The following SARNP variants were observed in gnomAD, a reference collection of about 807,000 sequenced individuals.
The protein encoded by SARNP is SAP domain containing ribonucleoprotein, also known as SAP domain-containing ribonucleoprotein.
SARNP carries 5 observed loss-of-function variants against 38.1 expected under a neutral mutation model. That is an observed-to-expected ratio of 0.13 (90% CI 0.07 to 0.28). The LOEUF (loss-of-function observed/expected upper bound fraction) is 0.28. Ranked by LOEUF, SARNP falls within the 10% of genes least tolerant of loss-of-function variation. The pLI, the probability that SARNP is intolerant of heterozygous loss-of-function variation, is 1.00. For synonymous variants in SARNP, 84 were observed against 80.6 expected (o/e 1.04, Z -0.23); for missense variants, 180 against 243.9 (o/e 0.74, Z 1.75).
rs759324705 is a variant in SARNP at position 55,794,886 on chromosome 12, TA to T, written c.304-7del. On this transcript the variant is annotated splice_polypyrimidine_tract_variant and splice_region_variant and intron_variant, in intron 5 of 10. Coordinates refer to ENST00000336133, the MANE Select transcript of SARNP (RefSeq NM_033082.4). ...TCAGCCCTCTTCTGCATTCTCTAAG[TA>T]AAAATAGACAAAAGGGAGAAAAAAA... 10 of 1,479,706 alleles carry T rather than the reference TA, an allele frequency of 6.8e-6. No individual in the cohort carries two copies. The South Asian group carries it at 1.1e-4, about 16-fold the overall frequency. 91.7% of individuals were successfully genotyped at this position (1,479,706 alleles called of 1,614,324 possible). A position where few individuals can be genotyped will look rare whatever the true frequency, so the allele number is the denominator to read the frequency against.
intron 4 of SARNP, among the ~76,000 whole-genome samples, chr12:55,798,986 A>T (rs1453123122): frequency 6.6e-6 from 1 of 152,238 alleles, no homozygotes; most frequent in Non-Finnish European, 1.5e-5. Context: ...GCATATAACT[A>T]ACACTTACAT....
At chr12:55,814,467 T>C (rs76290682) in intron 1 of SARNP, among the ~76,000 whole-genome samples, 17 of 152,346 alleles carry the variant, frequency 1.1e-4, no homozygotes, top group African/African-American at 4.1e-4. Flanking sequence ...GACACTACTA[T>C]CACTTTCTCC....
At chr12:55,808,553 T>A (rs1267560546) in intron 1 of SARNP, among the ~76,000 whole-genome samples, 2 of 152,048 alleles carry the variant, frequency 1.3e-5, no homozygotes, top group Non-Finnish European at 2.9e-5. Flanking sequence ...CGCCTCGGCC[T>A]CCCAAAGTGC....
chr12:55,780,735 T>C (rs1345792151), intron 9 of SARNP, among the ~76,000 whole-genome samples: 2 of 152,080 alleles, frequency 1.3e-5, no homozygotes, highest in African/African-American at 2.4e-5. Context: ...CAATATTAAG[T>C]AAAATAACAG....
At chr12:55,801,261 C>G (rs1369733162) in intron 2 of SARNP, among the ~76,000 whole-genome samples, 1 of 152,054 alleles carries the variant, frequency 6.6e-6, no homozygotes, top group Non-Finnish European at 1.5e-5. Context: ...GGGAACACAG[C>G]GAAACCCCGT....
At chr12:55,800,056 T>C (rs1204007502) in intron 4 of SARNP, among the ~76,000 whole-genome samples, 1 of 151,734 alleles carries the variant, frequency 6.6e-6, no homozygotes, top group Non-Finnish European at 1.5e-5. Context: ...CGGGCAGTAG[T>C]GGCACACACC....
At chr12:55,810,262 G>C (rs552011448) in intron 1 of SARNP, among the ~76,000 whole-genome samples, 1 of 152,070 alleles carries the variant, frequency 6.6e-6, no homozygotes, top group Non-Finnish European at 1.5e-5. Flanking sequence ...ACAGGTGTGT[G>C]CCACCACAGC....
At chr12:55,774,709 G>A (rs1387439417) in intron 9 of SARNP, among the ~76,000 whole-genome samples, 1 of 151,580 alleles carries the variant, frequency 6.6e-6, no homozygotes, top group Non-Finnish European at 1.5e-5. Context: ...TCCAGCTTGG[G>A]TGACAAGAGC....
At chr12:55,787,221 G>T (rs1879523317) in intron 9 of SARNP, among the ~76,000 whole-genome samples, 1 of 131,126 alleles carries the variant, frequency 7.6e-6, no homozygotes, top group Non-Finnish European at 1.5e-5. Flanking sequence ...GTCAGAGTGA[G>T]AACTTGTCTC....
intron 1 of SARNP, among the ~76,000 whole-genome samples, chr12:55,812,427 G>C (rs2887997): frequency 0.99 from 151,322 of 152,368 alleles, 75,154 homozygotes; most frequent in Middle Eastern, 1. Context: ...TTTTGTCTCT[G>C]TTGTTCACTG....
At position 55,782,141 on chromosome 12, in the gene SARNP, T is replaced by C. The variant is rs1442718288; in HGVS notation, c.501+6934A>G. On this transcript the variant is annotated intron_variant, in intron 9 of 10. Transcript: ENST00000336133. ...GACAACTCTTTAGGACAGTTACCTA[T>C]ATGAAGGGCTGGAAGTAGAAAAACT... Among the ~76,000 whole-genome samples, 3 of 152,336 alleles carry C rather than the reference T, an allele frequency of 2.0e-5. No individual in the cohort carries two copies. The East Asian group carries it at 5.8e-4, about 29-fold the overall frequency.
chr12:55,768,292 AT>A (rs919899116), intron 9 of SARNP, among the ~76,000 whole-genome samples: 1 of 142,334 alleles, frequency 7.0e-6, no homozygotes, highest in Non-Finnish European at 1.5e-5. Flanking sequence ...CGCCCAGCTA[AT>A]TTTTTTTTTA....
At chr12:55,801,638 A>C (rs770715138) in intron 2 of SARNP, among the ~76,000 whole-genome samples, 3 of 152,196 alleles carry the variant, frequency 2.0e-5, no homozygotes, top group Non-Finnish European at 4.4e-5. Flanking sequence ...GTTTTTGTTG[A>C]GACAGAGTCT....
At chr12:55,805,034 CG>C (rs2136203702) in intron 1 of SARNP, among the ~76,000 whole-genome samples, 1 of 152,030 alleles carries the variant, frequency 6.6e-6, no homozygotes, top group African/African-American at 2.4e-5. Flanking sequence ...GAGGCCGAGG[CG>C]AGTGGATCAC....
At chr12:55,776,336 G>A (rs1879180397) in intron 9 of SARNP, among the ~76,000 whole-genome samples, 2 of 152,226 alleles carry the variant, frequency 1.3e-5, no homozygotes, top group Non-Finnish European at 1.5e-5. Context: ...TGTTGGGGAT[G>A]AGGTGGGATT....
intron 9 of SARNP, chr12:55,761,832 C>T (rs1163642998): frequency 2.0e-5 from 3 of 152,142 alleles, no homozygotes; most frequent in Non-Finnish European, 4.4e-5. Flanking sequence ...TGTCTTTCCC[C>T]CAGGAAGGAC....
intron 4 of SARNP, among the ~76,000 whole-genome samples, chr12:55,799,559 C>CTTTTTTT (rs10529763): frequency 0.014 from 1,546 of 112,184 alleles, 123 homozygotes; most frequent in Non-Finnish European, 0.017. Context: ...GAGTGTCACA[C>CTTTTTTT]TTTTTTTTTT....
intron 1 of SARNP, among the ~76,000 whole-genome samples, chr12:55,807,731 G>A (rs1312644142): frequency 2.7e-5 from 4 of 150,934 alleles, no homozygotes; most frequent in Non-Finnish European, 4.4e-5. Flanking sequence ...GGAGAACGGC[G>A]TGAACCCGGG....
chr12:55,799,608 C>A (rs1223650327), intron 4 of SARNP, among the ~76,000 whole-genome samples: 1 of 129,676 alleles, frequency 7.7e-6, no homozygotes, highest in East Asian at 2.3e-4. Context: ...GGCTGGAGTG[C>A]AGTGCCACAG....
Sources: gnomAD v4.1 joint callset for allele counts (sites outside exome capture counted in the v4.1 genomes callset) on GRCh38, gnomAD v4.1.1 for gene constraint, MANE v1.5 for transcripts, NCBI Gene and HGNC (gene_info 2026-07-23, HGNC 2026-07-21) for gene names.